Variants in PCDH9 observed in about 807,000 individuals in gnomAD.
The protein encoded by PCDH9 is protocadherin 9, also known as protocadherin-9.
PCDH9 carries 24 observed loss-of-function variants against 70.6 expected under a neutral mutation model. That is an observed-to-expected ratio of 0.34 (90% CI 0.25 to 0.48). The LOEUF is 0.48. Ranked by LOEUF, PCDH9 falls within the 20% of genes least tolerant of loss-of-function variation. The pLI is 0.99. For missense variants in PCDH9, 1,281 were observed against 1,503.6 expected (o/e 0.85, Z 2.45); for synonymous variants, 562 against 558.5 (o/e 1.01, Z -0.09).
chr13:67,079,892 T>A (rs1200586424), intron 2 of PCDH9, among the ~76,000 whole-genome samples: 2 of 152,208 alleles, frequency 1.3e-5, no homozygotes, highest in African/African-American at 2.4e-5. Context: ...ATTTCAAGTT[T>A]TAGACATTAG....
At chr13:67,119,692 A>G (rs1156409277) in intron 2 of PCDH9, among the ~76,000 whole-genome samples, 2 of 152,150 alleles carry the variant, frequency 1.3e-5, no homozygotes, top group Non-Finnish European at 2.9e-5. Context: ...GATTGGCCAG[A>G]TGATGTAATC....
chr13:67,034,386 T>C (rs1467551140), intron 2 of PCDH9, among the ~76,000 whole-genome samples: 1 of 152,236 alleles, frequency 6.6e-6, no homozygotes, highest in African/African-American at 2.4e-5. Flanking sequence ...TATGTAATGA[T>C]CTAAGACCAA....
At chr13:66,673,333 C>G (rs528883250) in intron 3 of PCDH9, among the ~76,000 whole-genome samples, 2 of 152,300 alleles carry the variant, frequency 1.3e-5, no homozygotes, top group African/African-American at 4.8e-5. Context: ...CTTCGTTCCT[C>G]CTTCCCCTTC....
At chr13:66,391,059 T>C in intron 4 of PCDH9, among the ~76,000 whole-genome samples, 1 of 152,172 alleles carries the variant, frequency 6.6e-6, no homozygotes, top group Non-Finnish European at 1.5e-5. Context: ...ACTAAGAGCA[T>C]TAGTGGAAAA....
At chr13:66,705,930 T>G (rs561859630) in intron 3 of PCDH9, among the ~76,000 whole-genome samples, 1 of 152,216 alleles carries the variant, frequency 6.6e-6, no homozygotes, top group African/African-American at 2.4e-5. Context: ...CCTGGCCCTG[T>G]AAGCATCTGA....
intron 2 of PCDH9, among the ~76,000 whole-genome samples, chr13:66,963,974 T>C (rs1298422990): frequency 1.3e-5 from 2 of 152,042 alleles, no homozygotes; most frequent in Non-Finnish European, 2.9e-5. Flanking sequence ...ATATAATAAA[T>C]ATTAAAACTA....
At chr13:66,645,496 T>C (rs1029575887) in intron 3 of PCDH9, among the ~76,000 whole-genome samples, 2 of 152,030 alleles carry the variant, frequency 1.3e-5, no homozygotes, top group Non-Finnish European at 2.9e-5. Context: ...ATTAAAAAAA[T>C]AGAGTACAAG....
chr13:66,994,746 A>G (rs902340793), intron 2 of PCDH9, among the ~76,000 whole-genome samples: 2 of 152,142 alleles, frequency 1.3e-5, no homozygotes, highest in African/African-American at 2.4e-5. Flanking sequence ...TGAAAGAATC[A>G]CTTCCTCGGT....
rs2082929141 is a variant in PCDH9, at chr13:66,937,134, T to C, written c.3037-33529A>G. 2.0e-5 allele frequency among the ~76,000 whole-genome samples: 3 copies of C among 152,234 alleles called. No homozygotes were observed. The South Asian group carries it at 6.2e-4, about 31-fold the overall frequency. ...ATTCATGTAATAACAAATACTGCCC[T>C]ATCCATTTAAAATGTATACAATGTG... On this transcript the variant is annotated intron_variant, in intron 2 of 4. Coordinates refer to ENST00000377865, the MANE Select transcript of PCDH9 (RefSeq NM_203487.3).
At chr13:66,594,671 A>G (rs913481422) in intron 4 of PCDH9, among the ~76,000 whole-genome samples, 8 of 151,162 alleles carry the variant, frequency 5.3e-5, no homozygotes, top group African/African-American at 1.9e-4. Flanking sequence ...ACCCTCCTCC[A>G]TCAGGTCCCA....
chr13:67,163,325 A>G (rs1372123794), intron 2 of PCDH9, among the ~76,000 whole-genome samples: 1 of 152,202 alleles, frequency 6.6e-6, no homozygotes, highest in Non-Finnish European at 1.5e-5. Context: ...CTATAAACCT[A>G]TATGTGAAAT....
chr13:67,226,781 T>C lies in PCDH9; in HGVS notation c.1660A>G (p.Ser554Gly). ...ACAGTAACAATCACAGCCGCTTGGC[T>C]TTGGAGGGGAGGGGTCCCATTGTCC... ...ARDNGTPPLQ[S>G]QAAVIVTVLD... is the part of the protein sequence containing the mutation. Residue 554 changes from serine to glycine, a missense_variant, in exon 2 of 5, where the codon AGC becomes GGC. Coordinates refer to ENST00000377865, the MANE Select transcript of PCDH9 (RefSeq NM_203487.3). The surrounding 1 kb of genome is among the most constrained non-coding windows in gnomAD (Gnocchi z 5.0). 6.2e-7 allele frequency: 1 copy of C among 1,614,128 alleles called. No homozygotes were observed. Among genetic ancestry groups the C allele is most frequent in the Non-Finnish European group, 8.5e-7 (1 of 1,180,004 alleles).
chr13:66,415,559 T>C (rs751096473), intron 4 of PCDH9, among the ~76,000 whole-genome samples: 1 of 152,196 alleles, frequency 6.6e-6, no homozygotes, highest in Non-Finnish European at 1.5e-5. Flanking sequence ...TGCTACACAA[T>C]GTTCTACCCT....
intron 2 of PCDH9, among the ~76,000 whole-genome samples, chr13:67,154,601 T>A (rs1272132505): frequency 7.5e-4 from 70 of 93,384 alleles, no homozygotes; most frequent in South Asian, 2.1e-3. Flanking sequence ...AAAAAATATA[T>A]ATATACACAC....
intron 4 of PCDH9, among the ~76,000 whole-genome samples, chr13:66,605,240 AC>A (rs2077209178): frequency 6.6e-6 from 1 of 152,068 alleles, no homozygotes; most frequent in African/African-American, 2.4e-5. Context: ...TAATATTTGT[AC>A]CAGTAGGGAC....
intron 4 of PCDH9, among the ~76,000 whole-genome samples, chr13:66,426,072 GAA>G (rs1166655373): frequency 1.3e-5 from 2 of 151,416 alleles, no homozygotes; most frequent in East Asian, 3.9e-4. Flanking sequence ...AAGACAGAAA[GAA>G]AAAAGAGGTA....
intron 4 of PCDH9, among the ~76,000 whole-genome samples, chr13:66,568,343 T>A (rs1231369211): frequency 6.6e-6 from 1 of 151,822 alleles, no homozygotes; most frequent in Non-Finnish European, 1.5e-5. Context: ...CATCCAGTAG[T>A]CATGTGGTAG....
At chr13:66,942,410 A>T (rs1233516057) in intron 2 of PCDH9, among the ~76,000 whole-genome samples, 1 of 151,930 alleles carries the variant, frequency 6.6e-6, no homozygotes, top group Non-Finnish European at 1.5e-5. Flanking sequence ...ATTTGTTTAG[A>T]TGCGTGAAAG....
At chr13:66,744,068 A>G (rs1008164266) in intron 3 of PCDH9, among the ~76,000 whole-genome samples, 3 of 152,170 alleles carry the variant, frequency 2.0e-5, no homozygotes. Flanking sequence ...TGTATTATTC[A>G]TGTGCTATTT....
Sources: allele counts gnomAD v4.1 joint callset (sites outside exome capture counted in the v4.1 genomes callset), GRCh38; gene constraint gnomAD v4.1.1; non-coding constraint Gnocchi (gnomAD v3.1); transcripts MANE v1.5; gene names NCBI Gene and HGNC (gene_info 2026-07-23, HGNC 2026-07-21).